VRTN: variants seen among roughly 807,000 people sequenced by gnomAD.
VRTN encodes vertebrae development associated, also known as vertnin.
VRTN carries 5 observed loss-of-function variants against 18.2 expected under a neutral mutation model. The ratio of observed to expected loss-of-function variants is 0.27; its 90% CI spans 0.14 to 0.58. The LOEUF (loss-of-function observed/expected upper bound fraction) is 0.58. Ranked by LOEUF, VRTN falls within the 20% of genes least tolerant of loss-of-function variation. The pLI is 0.91. For synonymous variants in VRTN, 381 were observed against 393.7 expected, an observed-to-expected ratio of 0.97 and a Z score of 0.38; for missense variants, 741 against 939.4, an observed-to-expected ratio of 0.79 and a Z score of 2.76.
chr14:74,344,707 C>T (rs1466702334), upstream of VRTN, among the ~76,000 whole-genome samples: 1 of 109,994 alleles, frequency 9.1e-6, no homozygotes, highest in Non-Finnish European at 1.7e-5. Context: ...TGCACTCCAG[C>T]CTGAGCAACA....
Position 74,357,812 on chromosome 14 carries a change from C to T in VRTN, c.1029C>T (p.Ser343=), listed in dbSNP as rs1444183356. The change falls in exon 2 of 2, where the codon TCC becomes TCT. Residue 343 remains serine (S), a synonymous_variant. Coordinates refer to ENST00000256362, the MANE Select transcript of VRTN (RefSeq NM_018228.3). The surrounding 1 kb of genome is among the most constrained non-coding windows in gnomAD (Gnocchi z 7.8). ...QQFLQRFPEI[S]RSTYYAWKHE... ...TCCTCCAGCGGTTCCCGGAGATCTC[C>T]CGCTCAACCTACTATGCCTGGAAGC... 1 of 1,613,326 alleles carries T rather than the reference C, an allele frequency of 6.2e-7. No homozygotes were observed.
intron 1 of VRTN, among the ~76,000 whole-genome samples, chr14:74,306,901 T>A (rs1017674491): frequency 6.6e-6 from 1 of 152,092 alleles, no homozygotes; most frequent in Non-Finnish European, 1.5e-5. Context: ...CCACCGCTCC[T>A]GGCCTCTAGT....
chr14:74,327,216 A>C (rs1306757217), intron 1 of VRTN, among the ~76,000 whole-genome samples: 1 of 152,142 alleles, frequency 6.6e-6, no homozygotes, highest in Non-Finnish European at 1.5e-5. Flanking sequence ...ACCACAGCCC[A>C]AGGTGAAATA....
chr14:74,337,386 C>CA (rs1463157673), intron 1 of VRTN, among the ~76,000 whole-genome samples: 2 of 151,584 alleles, frequency 1.3e-5, no homozygotes, highest in African/African-American at 4.8e-5. Context: ...AACAAAACAA[C>CA]AAAAAAAGAA....
At position 74,321,119 on chromosome 14, in the gene VRTN, T is replaced by C. The variant is rs920580349; in HGVS notation, c.-163-16604T>C. On this transcript the variant is annotated intron_variant, in intron 1 of 2. Coordinates refer to the VRTN transcript ENST00000557177. ...GAAATGGGAATTACACACAATTCTT[T>C]CAAAGAGTTGTGCCACAAATGGGGA... Among the ~76,000 whole-genome samples, 27 of 152,208 alleles carry C rather than the reference T, an allele frequency of 1.8e-4. No homozygotes were observed. In the Middle Eastern group the frequency reaches 0.01, roughly 58 times the overall value.
chr14:74,348,778 T>G (rs1393047130), intron 1 of VRTN, 126 bp downstream of exon 1: 10 of 152,262 alleles, frequency 6.6e-5, no homozygotes, highest in Non-Finnish European at 1.5e-4. Context: ...AGTGGCCCCG[T>G]GAAGATGCTG....
At position 74,336,759 on chromosome 14, in the gene VRTN, G is replaced by A. The variant is rs545944236; in HGVS notation, c.-163-964G>A. 8.4e-4 allele frequency among the ~76,000 whole-genome samples: 128 copies of A among 152,192 alleles called. 1 individual carries two copies. Among genetic ancestry groups the A allele is most frequent in the African/African-American group, 2.9e-3 (121 of 41,538 alleles). Reference sequence around the variant, plus strand: ...TTGCACTCCAGCCTGGGCAACAAGAGCGAAACTCCATCTCAAAAAAAAAGT... The same window carrying A: ...TTGCACTCCAGCCTGGGCAACAAGAACGAAACTCCATCTCAAAAAAAAAGT... On this transcript the variant is annotated intron_variant, in intron 1 of 2. Coordinates refer to the VRTN transcript ENST00000557177.
Position 74,340,266 on chromosome 14 carries a change from C to T in VRTN, c.-2+2382C>T, listed in dbSNP as rs1400447468. Reference sequence around the variant, plus strand: ...TAGCTGGGATTATAGGCATGTGCCACCACGCCCGGCTAATTTTGTATTTTT... The same window carrying T: ...TAGCTGGGATTATAGGCATGTGCCATCACGCCCGGCTAATTTTGTATTTTT... On this transcript the variant is annotated intron_variant, in intron 2 of 2. Transcript: ENST00000557177. Among the ~76,000 whole-genome samples, 5 of 152,326 alleles carry T rather than the reference C, an allele frequency of 3.3e-5. No homozygotes were observed. The South Asian group carries it at 6.2e-4, about 19-fold the overall frequency.
At chr14:74,313,198 G>T (rs1340969571) in intron 1 of VRTN, among the ~76,000 whole-genome samples, 1 of 152,126 alleles carries the variant, frequency 6.6e-6, no homozygotes, top group Non-Finnish European at 1.5e-5. Flanking sequence ...TGCTAGCCAA[G>T]GAGCTTGCCT....
upstream of VRTN, among the ~76,000 whole-genome samples, chr14:74,347,158 T>C (rs993307505): frequency 2.0e-5 from 3 of 152,246 alleles, no homozygotes; most frequent in African/African-American, 7.2e-5. Context: ...TCGTGGAATT[T>C]ATCCAATGAC....
At chr14:74,303,596 G>C (rs1012743132) in intron 1 of VRTN, among the ~76,000 whole-genome samples, 3 of 152,274 alleles carry the variant, frequency 2.0e-5, no homozygotes, top group Non-Finnish European at 4.4e-5. Context: ...AAGATAGATA[G>C]TTGAATGAAT....
chr14:74,358,465 C>T lies in VRTN; in HGVS notation c.1682C>T (p.Pro561Leu), dbSNP rs372764656. The change falls in exon 2 of 2, where the codon CCG becomes CTG. Residue 561 changes from proline to leucine, a missense_variant. By Grantham distance (98) the Pro-to-Leu change is moderately conservative. Transcript: ENST00000256362. This position sits in a 1 kb window ranked among gnomAD's most constrained non-coding sequence, Gnocchi z 5.4. ...WPRGLSKLQV[P>L]VPTLGKGGQE... is the part of the protein sequence containing the mutation. ...AGAGGCCTGTCCAAACTTCAGGTGC[C>T]GGTCCCCACCTTGGGCAAAGGGGGG... 5.9e-5 allele frequency: 96 copies of T among 1,614,162 alleles called. No individual in the cohort carries two copies. Among genetic ancestry groups the T allele is most frequent in the South Asian group, 8.8e-5 (8 of 91,088 alleles).
chr14:74,340,173 C>T (rs1281607382), intron 2 of VRTN, among the ~76,000 whole-genome samples: 4 of 146,520 alleles, frequency 2.7e-5, no homozygotes, highest in African/African-American at 7.7e-5. Context: ...AGTGCAAGGG[C>T]ACGATCTCAG....
intron 1 of VRTN, among the ~76,000 whole-genome samples, chr14:74,328,796 G>A (rs985250636): frequency 6.6e-6 from 1 of 152,030 alleles, no homozygotes; most frequent in Non-Finnish European, 1.5e-5. Flanking sequence ...TCAGGGGTTC[G>A]AGACCAGCCT....
intron 1 of VRTN, among the ~76,000 whole-genome samples, chr14:74,325,977 T>C (rs1335986108): frequency 6.6e-6 from 1 of 152,198 alleles, no homozygotes; most frequent in Non-Finnish European, 1.5e-5. Context: ...CAGAATTTAA[T>C]GTTTACAAAA....
chr14:74,314,300 A>C lies in VRTN; in HGVS notation c.-164+11124A>C, dbSNP rs2085406023. 2.6e-5 allele frequency among the ~76,000 whole-genome samples: 4 copies of C among 151,946 alleles called. No individual in the cohort carries two copies. In the South Asian group the frequency reaches 8.3e-4, roughly 32 times the overall value. The stretch of plus-strand genomic sequence containing the variant: ...GCGCACACCACCATGTCCATCTAAA[A>C]GCATATCAGATTTATCTAATCAAAA... On this transcript the variant is annotated intron_variant, in intron 1 of 2. Transcript: ENST00000557177.
chr14:74,313,896 T>C (rs1452009774), intron 1 of VRTN, among the ~76,000 whole-genome samples: 2 of 152,158 alleles, frequency 1.3e-5, no homozygotes, highest in Admixed American at 1.3e-4. Flanking sequence ...ATCGTGCCAC[T>C]GCACTCCAAC....
chr14:74,346,166 G>A (rs1369234395), upstream of VRTN, among the ~76,000 whole-genome samples: 1 of 151,932 alleles, frequency 6.6e-6, no homozygotes, highest in Non-Finnish European at 1.5e-5. Flanking sequence ...ATCTGGGCAT[G>A]GTGGCGTGTG....
chr14:74,340,940 C>T (rs554628970), intron 2 of VRTN, among the ~76,000 whole-genome samples: 80 of 152,050 alleles, frequency 5.3e-4, no homozygotes, highest in African/African-American at 1.9e-3. Flanking sequence ...GACGGGGTTT[C>T]ACCATGTTGG....
Sources: gnomAD v4.1 joint callset for allele counts (sites outside exome capture counted in the v4.1 genomes callset) on GRCh38, gnomAD v4.1.1 for gene constraint, Gnocchi (gnomAD v3.1) non-coding constraint, MANE v1.5 for transcripts, NCBI Gene and HGNC (gene_info 2026-07-23, HGNC 2026-07-21) for gene names.